SLC14A2: variants seen among roughly 807,000 people sequenced by gnomAD.
SLC14A2 encodes solute carrier family 14 member 2.
Under a neutral mutation model 104.6 loss-of-function variants are expected in SLC14A2, and 91 were observed. That is an observed-to-expected ratio of 0.87 (90% confidence interval 0.73 to 1.04). The LOEUF (loss-of-function observed/expected upper bound fraction) is 1.04, where lower values mean the gene tolerates loss of function less well. SLC14A2 is among the 50% of genes least tolerant of loss of function. SLC14A2 has a pLI of 0.00. For missense variants in SLC14A2, 1,189 were observed against 1,156.0 expected, an observed-to-expected ratio of 1.03 and a Z score of -0.41; for synonymous variants, 476 against 466.4, an observed-to-expected ratio of 1.02 and a Z score of -0.27.
At chr18:45,560,769 C>A (rs1367901586) in intron 2 of SLC14A2, among the ~76,000 whole-genome samples, 1 of 152,018 alleles carries the variant, frequency 6.6e-6, no homozygotes. Flanking sequence ...GCCCCCATAC[C>A]CTCACCTCTT....
chr18:45,456,124 G>C (rs1477500187), intron 1 of SLC14A2, among the ~76,000 whole-genome samples: 1 of 152,094 alleles, frequency 6.6e-6, no homozygotes, highest in Non-Finnish European at 1.5e-5. Flanking sequence ...CTACCTAAGG[G>C]GTGCTGGTAG....
At chr18:45,251,744 T>C (rs372113053) in intron 1 of SLC14A2, among the ~76,000 whole-genome samples, 2 of 152,228 alleles carry the variant, frequency 1.3e-5, no homozygotes, top group Non-Finnish European at 2.9e-5. Context: ...CCTATGCTAA[T>C]GACCTTGATT....
At chr18:45,347,961 C>A (rs892776519) in intron 1 of SLC14A2, among the ~76,000 whole-genome samples, 1 of 152,192 alleles carries the variant, frequency 6.6e-6, no homozygotes, top group African/African-American at 2.4e-5. Flanking sequence ...TGTGAGCTCC[C>A]GAAAAAACCA....
intron 2 of SLC14A2, among the ~76,000 whole-genome samples, chr18:45,532,361 T>A (rs1313134062): frequency 6.6e-6 from 1 of 152,220 alleles, no homozygotes; most frequent in African/African-American, 2.4e-5. Context: ...TTTGTTTGTA[T>A]CCTCTTTGAT....
At chr18:45,451,283 G>A (rs1434583006) in intron 1 of SLC14A2, among the ~76,000 whole-genome samples, 1 of 152,114 alleles carries the variant, frequency 6.6e-6, no homozygotes, top group African/African-American at 2.4e-5. Context: ...CCCTAAGAGA[G>A]GGGGTTCTCG....
At chr18:45,505,293 C>T (rs781163673) in intron 2 of SLC14A2, among the ~76,000 whole-genome samples, 15 of 152,122 alleles carry the variant, frequency 9.9e-5, no homozygotes, top group Non-Finnish European at 2.1e-4. Flanking sequence ...TGTCCTCCTA[C>T]CCCCTGCCAC....
chr18:45,406,336 G>A (rs1219822291), intron 1 of SLC14A2, among the ~76,000 whole-genome samples: 1 of 152,180 alleles, frequency 6.6e-6, no homozygotes, highest in Non-Finnish European at 1.5e-5. Flanking sequence ...TGAGATTGCA[G>A]CAATTCAGTC....
the SLC14A2 span, among the ~76,000 whole-genome samples, chr18:45,207,517 A>G: frequency 2.6e-5 from 4 of 152,132 alleles, no homozygotes; most frequent in East Asian, 1.9e-4. Context: ...GTGTGTGCAT[A>G]TGGGTGTGTG....
At chr18:45,264,514 A>G (rs917409253) in intron 1 of SLC14A2, among the ~76,000 whole-genome samples, 3 of 152,124 alleles carry the variant, frequency 2.0e-5, no homozygotes, top group African/African-American at 4.8e-5. Context: ...GACATATCTG[A>G]GACTGGGTAA....
intron 19 of SLC14A2, among the ~76,000 whole-genome samples, chr18:45,682,108 C>T (rs2046318154): frequency 6.6e-6 from 1 of 152,174 alleles, no homozygotes; most frequent in Admixed American, 6.5e-5. Flanking sequence ...ATTAGGGTTC[C>T]CAGTGGCTGC....
intron 2 of SLC14A2, among the ~76,000 whole-genome samples, chr18:45,552,576 A>G (rs2044071384): frequency 6.6e-6 from 1 of 152,236 alleles, no homozygotes; most frequent in African/African-American, 2.4e-5. Context: ...AATACAAACA[A>G]AAACAAATAA....
intron 2 of SLC14A2, among the ~76,000 whole-genome samples, chr18:45,555,106 G>A (rs114891367): frequency 0.013 from 1,948 of 152,304 alleles, 40 homozygotes; most frequent in African/African-American, 0.045. Flanking sequence ...AAGTTATTTT[G>A]TGGCTGTGAC....
rs76628350 is a variant in SLC14A2 at position 45,425,505 on chromosome 18, G to A, written c.-124-57728G>A. On this transcript the variant is annotated intron_variant, in intron 1 of 20. Coordinates refer to the SLC14A2 transcript ENST00000586448. The stretch of plus-strand genomic sequence containing the variant: ...TTCTGTCCCTGTTAGTCCCCCTGAT[G>A]AATTGCCAGTACATCAGTGGCACAG... Among the ~76,000 whole-genome samples the A allele has an allele frequency of 8.5e-3, 1,296 of 152,238 alleles. 10 individuals carry two copies. Among genetic ancestry groups the A allele is most frequent in the Non-Finnish European group, 0.012 (848 of 68,018 alleles).
At chr18:45,403,855 C>T (rs888881102) in intron 1 of SLC14A2, among the ~76,000 whole-genome samples, 4 of 152,106 alleles carry the variant, frequency 2.6e-5, no homozygotes, top group Admixed American at 1.3e-4. Flanking sequence ...TCAGTGACTC[C>T]TCATCACCCG....
At chr18:45,406,157 C>G (rs1255658930) in intron 1 of SLC14A2, among the ~76,000 whole-genome samples, 4 of 152,290 alleles carry the variant, frequency 2.6e-5, no homozygotes, top group African/African-American at 9.6e-5. Flanking sequence ...AGCCAATTCT[C>G]TAAAACCCTG....
chr18:45,413,092 A>G (rs2086231950), intron 1 of SLC14A2, among the ~76,000 whole-genome samples: 1 of 152,218 alleles, frequency 6.6e-6, no homozygotes, highest in Non-Finnish European at 1.5e-5. Flanking sequence ...ATAAAGACAA[A>G]TAGAACCTAG....
intron 1 of SLC14A2, among the ~76,000 whole-genome samples, chr18:45,263,542 G>A (rs556338089): frequency 1.3e-5 from 2 of 152,206 alleles, no homozygotes; most frequent in African/African-American, 4.8e-5. Context: ...ACACATTGGT[G>A]GATCTTGCCT....
At position 45,413,259 on chromosome 18, in the gene SLC14A2, C is replaced by T. The variant is rs563321395; in HGVS notation, c.-124-69974C>T. 5.9e-5 allele frequency among the ~76,000 whole-genome samples: 9 copies of T among 152,166 alleles called. No individual in the cohort carries two copies. In the South Asian group the frequency reaches 1.5e-3, roughly 25 times the overall value. ...GAGGTTTTCTTAAGCAAATTTGTTG[C>T]GGAGAATCTCCTCCCTTTAGTAACA... On this transcript the variant is annotated intron_variant, in intron 1 of 20. Coordinates refer to the SLC14A2 transcript ENST00000586448.
intron 1 of SLC14A2, among the ~76,000 whole-genome samples, chr18:45,333,099 A>C (rs192710494): frequency 1.2e-4 from 19 of 152,264 alleles, no homozygotes; most frequent in Non-Finnish European, 2.2e-4. Flanking sequence ...TTTGCTAATA[A>C]TAGAGTGTTT....
Sources: allele counts gnomAD v4.1 joint callset (sites outside exome capture counted in the v4.1 genomes callset), GRCh38; gene constraint gnomAD v4.1.1; transcripts MANE v1.5; gene names NCBI Gene and HGNC (gene_info 2026-07-23, HGNC 2026-07-21).